Variants in MACROD2 observed in about 807,000 individuals in gnomAD.
MACROD2 encodes ADP-ribose glycohydrolase MACROD2.
Under a neutral mutation model 70.4 loss-of-function variants are expected in MACROD2, and 36 were observed. The ratio of observed to expected loss-of-function variants is 0.51; its 90% confidence interval spans 0.39 to 0.68. The LOEUF (loss-of-function observed/expected upper bound fraction) is 0.68. MACROD2 is among the 30% of genes least tolerant of loss of function. MACROD2 has a pLI of 0.00. For synonymous variants in MACROD2, 172 were observed against 178.8 expected (o/e 0.96, Z 0.30); for missense variants, 496 against 538.4 (o/e 0.92, Z 0.78).
At chr20:14,218,473 T>A (rs761989561) in intron 3 of MACROD2, among the ~76,000 whole-genome samples, 4 of 152,234 alleles carry the variant, frequency 2.6e-5, no homozygotes, top group Non-Finnish European at 5.9e-5. Flanking sequence ...TGCAGTTCTG[T>A]ATCTCTTAAG....
At chr20:14,337,530 G>T (rs2082961009) in intron 3 of MACROD2, 7 of 398,538 alleles carry the variant, frequency 1.8e-5, no homozygotes, top group Middle Eastern at 6.2e-4. Context: ...AAAGCCCACG[G>T]CAGCTGCAGG....
At chr20:14,014,924 C>T (rs2148619749) in intron 2 of MACROD2, among the ~76,000 whole-genome samples, 1 of 151,954 alleles carries the variant, frequency 6.6e-6, no homozygotes, top group Admixed American at 6.6e-5. Context: ...CCTCAGCCTC[C>T]TGAGTAGTTG....
chr20:15,765,935 AG>A (rs2051517192), intron 8 of MACROD2, among the ~76,000 whole-genome samples: 1 of 152,232 alleles, frequency 6.6e-6, no homozygotes, highest in African/African-American at 2.4e-5. Flanking sequence ...CTTTCATGGA[AG>A]CAATAAAATA....
At chr20:15,087,625 CTGTT>C (rs2075758604) in intron 5 of MACROD2, among the ~76,000 whole-genome samples, 2 of 152,042 alleles carry the variant, frequency 1.3e-5, no homozygotes, top group Admixed American at 6.6e-5. Flanking sequence ...AAAACTTGGA[CTGTT>C]TGTTTAACTT....
chr20:14,188,275 G>A (rs1393833128), intron 3 of MACROD2, among the ~76,000 whole-genome samples: 5 of 152,006 alleles, frequency 3.3e-5, no homozygotes, highest in South Asian at 2.1e-4. Flanking sequence ...TACCTCTTAC[G>A]TACATTATAG....
At chr20:14,401,739 TG>T (rs2083640178) in intron 3 of MACROD2, among the ~76,000 whole-genome samples, 1 of 152,156 alleles carries the variant, frequency 6.6e-6, no homozygotes. Context: ...CAGATCTGTC[TG>T]TTTTTTTTTC....
intron 3 of MACROD2, among the ~76,000 whole-genome samples, chr20:14,162,723 C>T (rs1336084279): frequency 2.6e-5 from 4 of 151,596 alleles, no homozygotes; most frequent in African/African-American, 9.7e-5. Flanking sequence ...TTTTTCCATT[C>T]CTTTCCTTTC....
intron 7 of MACROD2, among the ~76,000 whole-genome samples, chr20:15,455,302 T>C (rs2046709675): frequency 6.6e-6 from 1 of 152,186 alleles, no homozygotes; most frequent in African/African-American, 2.4e-5. Flanking sequence ...TGCATATTGG[T>C]CCTACCTCTG....
At chr20:14,377,364 A>C (rs982021839) in intron 3 of MACROD2, among the ~76,000 whole-genome samples, 7 of 152,332 alleles carry the variant, frequency 4.6e-5, no homozygotes, top group Non-Finnish European at 1.0e-4. Flanking sequence ...GTTGCAGACC[A>C]CACCATCACT....
Position 15,187,592 on chromosome 20 carries a change from G to C in MACROD2, c.419-42348G>C, listed in dbSNP as rs905558988. Among the ~76,000 whole-genome samples the C allele has an allele frequency of 5.9e-5, 9 of 152,222 alleles. No homozygotes were observed. In the East Asian group the frequency reaches 1.6e-3, roughly 26 times the overall value. On this transcript the variant is annotated intron_variant, in intron 5 of 17. Coordinates refer to ENST00000684519, the MANE Select transcript of MACROD2 (RefSeq NM_001351661.2). ...AGCTTTTCCATGGACATTCAGTGTA[G>C]TTAAGGAGAAAATTAGCCATATTTT...
At chr20:15,912,437 TA>T (rs2065250894) in intron 10 of MACROD2, among the ~76,000 whole-genome samples, 1 of 152,312 alleles carries the variant, frequency 6.6e-6, no homozygotes. Context: ...GGATGCATTT[TA>T]AAAAATAGAT....
intron 8 of MACROD2, among the ~76,000 whole-genome samples, chr20:15,670,486 T>G (rs2146835392): frequency 6.6e-6 from 1 of 152,346 alleles, no homozygotes; most frequent in East Asian, 1.9e-4. Flanking sequence ...TACTTGTTTC[T>G]CCCATGTTAA....
intron 9 of MACROD2, among the ~76,000 whole-genome samples, chr20:15,870,043 T>C (rs1001950224): frequency 2.3e-4 from 35 of 152,164 alleles, no homozygotes; most frequent in Non-Finnish European, 4.4e-4. Context: ...TGCCAAAATT[T>C]TTAAAACGAA....
chr20:14,316,648 A>G (rs375824397), intron 3 of MACROD2, among the ~76,000 whole-genome samples: 27 of 152,330 alleles, frequency 1.8e-4, no homozygotes, highest in African/African-American at 5.1e-4. Context: ...CCTTCTTCCA[A>G]TGTGGTCCAG....
At chr20:15,291,406 A>G (rs2146107491) in intron 6 of MACROD2, among the ~76,000 whole-genome samples, 1 of 152,362 alleles carries the variant, frequency 6.6e-6, no homozygotes, top group South Asian at 2.1e-4. Flanking sequence ...CAGTAGGCCC[A>G]CAATAAACAG....
At chr20:14,186,263 A>G (rs898393426) in intron 3 of MACROD2, among the ~76,000 whole-genome samples, 1 of 152,180 alleles carries the variant, frequency 6.6e-6, no homozygotes, top group Non-Finnish European at 1.5e-5. Context: ...TTTGCCTATC[A>G]TATCAATGTT....
At chr20:15,006,985 T>C (rs1353854066) in intron 5 of MACROD2, among the ~76,000 whole-genome samples, 1 of 151,704 alleles carries the variant, frequency 6.6e-6, no homozygotes, top group African/African-American at 2.4e-5. Context: ...CTTTGCAAAA[T>C]TTTGATAAAA....
chr20:14,594,190 C>G (rs76344619), intron 4 of MACROD2, among the ~76,000 whole-genome samples: 8,476 of 152,224 alleles, frequency 0.056, 352 homozygotes, highest in African/African-American at 0.12. Context: ...CCCTCTTCAA[C>G]CTGGTTCTTC....
intron 5 of MACROD2, among the ~76,000 whole-genome samples, chr20:14,712,929 G>A (rs2071354786): frequency 6.6e-6 from 1 of 152,062 alleles, no homozygotes; most frequent in South Asian, 2.1e-4. Flanking sequence ...TGTCAATAGT[G>A]GGTATATATT....
Sources: gnomAD v4.1 joint callset for allele counts (sites outside exome capture counted in the v4.1 genomes callset) on GRCh38, gnomAD v4.1.1 for gene constraint, MANE v1.5 for transcripts, NCBI Gene and HGNC (gene_info 2026-07-23, HGNC 2026-07-21) for gene names.